The following FHIP1A variants were observed in gnomAD, a reference collection of about 807,000 sequenced individuals.
The protein encoded by FHIP1A is FHF complex subunit HOOK-interacting protein 1A.
A neutral mutation model predicts 88.6 loss-of-function variants in FHIP1A; 61 were observed. The ratio of observed to expected loss-of-function variants is 0.69; its 90% CI spans 0.56 to 0.85. FHIP1A has a LOEUF of 0.85. Ranked by LOEUF, FHIP1A falls within the 40% of genes least tolerant of loss-of-function variation. The pLI is 0.00. For missense variants in FHIP1A, 1,154 were observed against 1,273.5 expected, an observed-to-expected ratio of 0.91 and a Z score of 1.43; for synonymous variants, 478 against 496.0, an observed-to-expected ratio of 0.96 and a Z score of 0.48.
At chr4:151,453,627 G>A (rs1330387083) in intron 1 of FHIP1A, among the ~76,000 whole-genome samples, 1 of 152,148 alleles carries the variant, frequency 6.6e-6, no homozygotes, top group Admixed American at 6.5e-5. Context: ...CCTGATTTCG[G>A]ATCACCTGAG....
chr4:151,646,359 G>A (rs937222271), intron 9 of FHIP1A, among the ~76,000 whole-genome samples, 199 bp from the exon 10 acceptor site: 1 of 152,226 alleles, frequency 6.6e-6, no homozygotes, highest in African/African-American at 2.4e-5. Flanking sequence ...AGACCATTAA[G>A]TGCTTTGCAA....
rs530738246 is a variant in FHIP1A, at chr4:151,551,819, A to C, written c.-122-14319A>C. Among the ~76,000 whole-genome samples the C allele has an allele frequency of 4.1e-3, 621 of 152,294 alleles. 6 individuals are homozygous for C. Among genetic ancestry groups the C allele is most frequent in the South Asian group, 0.013 (63 of 4,816 alleles). ...ACACCAAAAGCAATGGCAACAAAAGACAAAATTGACAAATGGGATCTAATT... is the reference window on the plus strand; with the variant it reads ...ACACCAAAAGCAATGGCAACAAAAGCCAAAATTGACAAATGGGATCTAATT... On this transcript the variant is annotated intron_variant, in intron 3 of 13. Coordinates refer to ENST00000435205, the MANE Select transcript of FHIP1A (RefSeq NM_001109977.3).
intron 6 of FHIP1A, among the ~76,000 whole-genome samples, chr4:151,588,164 C>T (rs1336742245): frequency 6.6e-6 from 1 of 151,862 alleles, no homozygotes; most frequent in East Asian, 1.9e-4. Flanking sequence ...GGGGAAGCTA[C>T]TGAAAAGGTT....
At chr4:151,567,079 G>T (rs1235016556) in intron 4 of FHIP1A, among the ~76,000 whole-genome samples, 2 of 151,958 alleles carry the variant, frequency 1.3e-5, no homozygotes, top group Non-Finnish European at 2.9e-5. Context: ...AATTTTTTTT[G>T]ATTATTTACT....
At chr4:151,654,035 G>T (rs1737135672) in intron 11 of FHIP1A, among the ~76,000 whole-genome samples, 1 of 151,490 alleles carries the variant, frequency 6.6e-6, no homozygotes, top group Admixed American at 6.6e-5. Flanking sequence ...ATTTTCAGCT[G>T]CTTACCAGAT....
chr4:151,513,357 T>A (rs1321056709), intron 3 of FHIP1A, among the ~76,000 whole-genome samples: 3 of 152,138 alleles, frequency 2.0e-5, no homozygotes, highest in Admixed American at 6.5e-5. Context: ...CATGCCAAAT[T>A]GTAAAGACCA....
At chr4:151,447,883 C>T (rs770266436) in intron 1 of FHIP1A, among the ~76,000 whole-genome samples, 3 of 152,218 alleles carry the variant, frequency 2.0e-5, no homozygotes, top group Non-Finnish European at 2.9e-5. Flanking sequence ...GCCTGCACCT[C>T]GATCTTGGAC....
intron 7 of FHIP1A, among the ~76,000 whole-genome samples, chr4:151,610,432 A>T (rs977326445): frequency 2.6e-5 from 4 of 152,210 alleles, no homozygotes; most frequent in Admixed American, 6.5e-5. Context: ...CAAATTTGGC[A>T]TATTGCCAGG....
intron 3 of FHIP1A, among the ~76,000 whole-genome samples, chr4:151,489,740 G>A (rs1285661519): frequency 1.3e-5 from 2 of 152,122 alleles, no homozygotes; most frequent in African/African-American, 2.4e-5. Flanking sequence ...GCAGAGGCAG[G>A]CATAATCCAC....
At chr4:151,640,530 C>T (rs759415694) in intron 9 of FHIP1A, among the ~76,000 whole-genome samples, 9 of 152,142 alleles carry the variant, frequency 5.9e-5, no homozygotes, top group Non-Finnish European at 1.3e-4. Flanking sequence ...ATTAGCAAGG[C>T]CTGAATGAAA....
intron 3 of FHIP1A, among the ~76,000 whole-genome samples, chr4:151,516,539 T>C (rs1483961093): frequency 3.9e-5 from 6 of 152,188 alleles, no homozygotes; most frequent in East Asian, 1.9e-4. Context: ...ATAAAATTTT[T>C]GCAACCTACT....
At chr4:151,469,753 C>T (rs935104906) in intron 2 of FHIP1A, among the ~76,000 whole-genome samples, 4 of 152,130 alleles carry the variant, frequency 2.6e-5, no homozygotes, top group African/African-American at 9.7e-5. Flanking sequence ...GATATAATTT[C>T]CCCATTTCAC....
At chr4:151,580,645 A>AT (rs1385083904) in intron 5 of FHIP1A, among the ~76,000 whole-genome samples, 1 of 152,200 alleles carries the variant, frequency 6.6e-6, no homozygotes, top group Non-Finnish European at 1.5e-5. Flanking sequence ...TCTGGCACTT[A>AT]TTTACAAAGA....
chr4:151,583,736 A>T (rs985558158), intron 5 of FHIP1A, among the ~76,000 whole-genome samples: 4 of 152,168 alleles, frequency 2.6e-5, no homozygotes, highest in Admixed American at 2.0e-4. Flanking sequence ...TAATTGATTT[A>T]AAAAAATGTG....
intron 3 of FHIP1A, among the ~76,000 whole-genome samples, chr4:151,501,077 G>C (rs1331816791): frequency 6.6e-6 from 1 of 152,092 alleles, no homozygotes; most frequent in Non-Finnish European, 1.5e-5. Flanking sequence ...AAAATACTCT[G>C]TTTGAATTTT....
intron 3 of FHIP1A, among the ~76,000 whole-genome samples, chr4:151,495,901 G>C (rs1218143836): frequency 6.6e-6 from 1 of 152,038 alleles, no homozygotes; most frequent in Non-Finnish European, 1.5e-5. Context: ...GAGATTACAG[G>C]CATGAGCCAC....
chr4:151,529,936 A>G (rs752812009), intron 3 of FHIP1A, among the ~76,000 whole-genome samples: 20 of 152,158 alleles, frequency 1.3e-4, no homozygotes, highest in Non-Finnish European at 2.2e-4. Flanking sequence ...CTTCACGAAC[A>G]GTACTGGCCC....
chr4:151,638,878 G>A (rs371178348), intron 9 of FHIP1A, 122 bp downstream of exon 9: 35 of 450,812 alleles, frequency 7.8e-5, no homozygotes, highest in Non-Finnish European at 1.0e-4. Context: ...CTAAAAAGGC[G>A]CCAAGCATCT....
intron 3 of FHIP1A, among the ~76,000 whole-genome samples, chr4:151,544,161 A>G (rs893980299): frequency 2.0e-5 from 3 of 152,238 alleles, no homozygotes; most frequent in Non-Finnish European, 2.9e-5. Flanking sequence ...GGACAAAATC[A>G]TTTACTAAAG....
Sources: allele counts gnomAD v4.1 joint callset (sites outside exome capture counted in the v4.1 genomes callset), GRCh38; gene constraint gnomAD v4.1.1; transcripts MANE v1.5; gene names NCBI Gene and HGNC (gene_info 2026-07-23, HGNC 2026-07-21).